The following PID1 variants were observed in gnomAD, a reference collection of about 807,000 sequenced individuals.
PID1 encodes PTB-containing, cubilin and LRP1-interacting protein.
Under a neutral mutation model 19.1 loss-of-function variants are expected in PID1, and 10 were observed. That is an observed-to-expected ratio of 0.52 (90% CI 0.32 to 0.89). The LOEUF (loss-of-function observed/expected upper bound fraction) is 0.89. Ranked by LOEUF, PID1 falls within the 40% of genes least tolerant of loss-of-function variation. The pLI is 0.03. For synonymous variants in PID1, 130 were observed against 116.0 expected (o/e 1.12, Z -0.78); for missense variants, 248 against 285.3 (o/e 0.87, Z 0.94).
At chr2:229,168,203 A>G (rs193286539) in intron 1 of PID1, among the ~76,000 whole-genome samples, 2 of 152,272 alleles carry the variant, frequency 1.3e-5, no homozygotes, top group Admixed American at 1.3e-4. Flanking sequence ...GTGGTTTGAT[A>G]TCTTCCATTA....
intron 1 of PID1, among the ~76,000 whole-genome samples, chr2:229,238,313 C>A (rs1025062525): frequency 6.6e-5 from 10 of 152,156 alleles, no homozygotes; most frequent in African/African-American, 2.4e-4. Flanking sequence ...AATCATCCAA[C>A]TTTATACTAT....
intron 1 of PID1, among the ~76,000 whole-genome samples, chr2:229,169,864 CTCCCTTA>C (rs1308678677): frequency 1.3e-5 from 2 of 152,168 alleles, no homozygotes; most frequent in African/African-American, 4.8e-5. Context: ...CTTAGACAAA[CTCCCTTA>C]TTTCACAGAT....
chr2:229,246,271 G>A (rs1228449049), intron 1 of PID1, among the ~76,000 whole-genome samples: 3 of 152,128 alleles, frequency 2.0e-5, no homozygotes, highest in African/African-American at 4.8e-5. Flanking sequence ...CGGAGCTGCT[G>A]GCATTCAGGT....
chr2:229,175,716 G>T (rs1355074717), intron 1 of PID1, among the ~76,000 whole-genome samples: 1 of 152,152 alleles, frequency 6.6e-6, no homozygotes, highest in Non-Finnish European at 1.5e-5. Flanking sequence ...AAGAAAATAA[G>T]TGATTCTCCT....
intron 2 of PID1, among the ~76,000 whole-genome samples, chr2:229,114,700 T>A (rs1225096310): frequency 6.6e-6 from 1 of 152,158 alleles, no homozygotes; most frequent in Non-Finnish European, 1.5e-5. Flanking sequence ...CATTCTACCC[T>A]CCTCTTGAGT....
intron 2 of PID1, among the ~76,000 whole-genome samples, chr2:229,091,147 G>T (rs1298031568): frequency 6.6e-6 from 1 of 151,918 alleles, no homozygotes; most frequent in Non-Finnish European, 1.5e-5. Context: ...TATAAAATTT[G>T]CATAATACTA....
chr2:229,098,070 T>C (rs1695005193), intron 2 of PID1, among the ~76,000 whole-genome samples: 2 of 152,166 alleles, frequency 1.3e-5, no homozygotes, highest in Admixed American at 1.3e-4. Context: ...GCCCATTGAA[T>C]CATGAGCCTA....
chr2:229,161,605 C>A (rs1244585581), intron 1 of PID1, among the ~76,000 whole-genome samples: 4 of 152,200 alleles, frequency 2.6e-5, no homozygotes, highest in Non-Finnish European at 5.9e-5. Flanking sequence ...AAAAGTGAAT[C>A]TTGTACTTAT....
intron 1 of PID1, among the ~76,000 whole-genome samples, chr2:229,193,708 T>C (rs1481473728): frequency 2.0e-5 from 3 of 151,578 alleles, no homozygotes; most frequent in African/African-American, 7.3e-5. Flanking sequence ...GTGAAGAACT[T>C]AAATGACACA....
At chr2:229,115,620 T>G (rs1385362707) in intron 2 of PID1, among the ~76,000 whole-genome samples, 1 of 152,124 alleles carries the variant, frequency 6.6e-6, no homozygotes, top group East Asian at 1.9e-4. Flanking sequence ...TTCACCTAAG[T>G]CTCATTTTTT....
intron 2 of PID1, among the ~76,000 whole-genome samples, chr2:229,150,739 C>T (rs532519110): frequency 2.0e-5 from 3 of 151,654 alleles, no homozygotes; most frequent in Admixed American, 1.3e-4. Context: ...CACTGTGGAA[C>T]GGGTATTGTA....
chr2:229,134,661 G>A (rs1295478087), intron 2 of PID1, among the ~76,000 whole-genome samples: 1 of 152,150 alleles, frequency 6.6e-6, no homozygotes, highest in East Asian at 1.9e-4. Context: ...GATAATAACT[G>A]TTCTAACTTC....
intron 2 of PID1, among the ~76,000 whole-genome samples, chr2:229,075,072 C>A (rs547247812): frequency 2.0e-5 from 3 of 152,302 alleles, no homozygotes; most frequent in Admixed American, 1.3e-4. Flanking sequence ...CATCACCTAG[C>A]CTACCATAAA....
intron 2 of PID1, among the ~76,000 whole-genome samples, chr2:229,125,508 A>G (rs16825761): frequency 0.022 from 3,280 of 152,198 alleles, 113 homozygotes; most frequent in African/African-American, 0.075. Context: ...CCCAAATCCA[A>G]TTTGGTCAGA....
At chr2:229,268,760 G>A (rs1217242144) in intron 1 of PID1, among the ~76,000 whole-genome samples, 1 of 152,060 alleles carries the variant, frequency 6.6e-6, no homozygotes, top group Non-Finnish European at 1.5e-5. Flanking sequence ...CAGAGCCTGG[G>A]AGTGGCAAAG....
intron 2 of PID1, among the ~76,000 whole-genome samples, chr2:229,116,721 A>G (rs779654425): frequency 6.6e-5 from 10 of 152,202 alleles, no homozygotes; most frequent in Non-Finnish European, 1.3e-4. Context: ...TGAGTCAGTT[A>G]AACCTCTTTC....
At chr2:229,110,639 A>C (rs1312365433) in intron 2 of PID1, among the ~76,000 whole-genome samples, 1 of 152,204 alleles carries the variant, frequency 6.6e-6, no homozygotes, top group Non-Finnish European at 1.5e-5. Context: ...AGGAACTCTA[A>C]AAATCTTGAT....
chr2:229,055,864 C>T (rs1244607916), intron 2 of PID1, among the ~76,000 whole-genome samples: 1 of 152,174 alleles, frequency 6.6e-6, no homozygotes, highest in East Asian at 1.9e-4. Flanking sequence ...CCACATAGGG[C>T]ATTATACTCA....
At chr2:229,086,790 C>T (rs1466210714) in intron 2 of PID1, among the ~76,000 whole-genome samples, 7 of 152,100 alleles carry the variant, frequency 4.6e-5, no homozygotes, top group African/African-American at 1.4e-4. Context: ...TTTTGTAAAG[C>T]TTACAACTGT....
Sources: allele counts gnomAD v4.1 joint callset (sites outside exome capture counted in the v4.1 genomes callset), GRCh38; gene constraint gnomAD v4.1.1; transcripts MANE v1.5; gene names NCBI Gene and HGNC (gene_info 2026-07-23, HGNC 2026-07-21).